Variants in SLC1A2 observed in about 807,000 individuals in gnomAD.
SLC1A2 encodes solute carrier family 1 member 2, also known as excitatory amino acid transporter 2.
SLC1A2 carries 15 observed loss-of-function variants against 48.8 expected under a neutral mutation model. That is an observed-to-expected ratio of 0.31 (90% CI 0.21 to 0.47). The LOEUF (loss-of-function observed/expected upper bound fraction) is 0.47, where lower values mean the gene tolerates loss of function less well. Ranked by LOEUF, SLC1A2 falls within the 20% of genes least tolerant of loss-of-function variation. The probability of loss-of-function intolerance (pLI) is 0.99; values close to 1 mark genes in which losing one functional copy is unlikely to be tolerated. For synonymous variants in SLC1A2, 279 were observed against 272.6 expected (o/e 1.02, Z -0.23); for missense variants, 502 against 730.5 (o/e 0.69, Z 3.61).
intron 9 of SLC1A2, among the ~76,000 whole-genome samples, chr11:35,266,755 A>T (rs1950491615): frequency 3.3e-5 from 5 of 152,258 alleles, no homozygotes; most frequent in African/African-American, 1.2e-4. Context: ...CTGCTGAGAC[A>T]GTCTTAGTCC....
intron 6 of SLC1A2, among the ~76,000 whole-genome samples, chr11:35,294,450 C>T (rs73439121): frequency 0.049 from 7,393 of 152,126 alleles, 604 homozygotes; most frequent in African/African-American, 0.17. Flanking sequence ...GCTGGTGTGT[C>T]CATAGTCACA....
chr11:35,287,430 C>T (rs187645075), intron 7 of SLC1A2, among the ~76,000 whole-genome samples: 1 of 152,274 alleles, frequency 6.6e-6, no homozygotes, highest in East Asian at 1.9e-4. Flanking sequence ...GCATTTAGCC[C>T]TGGGAAATTG....
intron 6 of SLC1A2, among the ~76,000 whole-genome samples, chr11:35,296,563 G>T (rs999756196): frequency 1.3e-5 from 2 of 152,140 alleles, no homozygotes; most frequent in African/African-American, 4.8e-5. Flanking sequence ...AACCCATCAA[G>T]GTGGCCTGCA....
At chr11:35,409,476 T>G (rs1855394609) in intron 1 of SLC1A2, among the ~76,000 whole-genome samples, 1 of 152,206 alleles carries the variant, frequency 6.6e-6, no homozygotes, top group South Asian at 2.1e-4. Context: ...GAAATTAGAT[T>G]AATGTAACTA....
intron 1 of SLC1A2, among the ~76,000 whole-genome samples, chr11:35,377,500 C>A (rs967118922): frequency 2.0e-5 from 3 of 152,196 alleles, no homozygotes; most frequent in African/African-American, 4.8e-5. Flanking sequence ...ACTCTATTTT[C>A]GTGAGATAAC....
intron 1 of SLC1A2, among the ~76,000 whole-genome samples, chr11:35,388,075 A>G (rs867151531): frequency 1.3e-5 from 2 of 152,244 alleles, no homozygotes; most frequent in Non-Finnish European, 2.9e-5. Flanking sequence ...GGCAGAATTT[A>G]TACCCAAGTC....
At chr11:35,399,541 T>G in intron 1 of SLC1A2, 199 of 908,498 alleles carry the variant, frequency 2.2e-4, no homozygotes, top group Non-Finnish European at 2.4e-4. Context: ...TGGTGGGTCT[T>G]GAGACAAGAT....
chr11:35,327,440 A>G (rs2134966575), intron 1 of SLC1A2, among the ~76,000 whole-genome samples: 1 of 152,300 alleles, frequency 6.6e-6, no homozygotes, highest in Non-Finnish European at 1.5e-5. Flanking sequence ...ATGAGGCAAA[A>G]CAGCGGGGCC....
intron 1 of SLC1A2, among the ~76,000 whole-genome samples, chr11:35,347,457 G>T (rs942347230): frequency 6.6e-6 from 1 of 152,218 alleles, no homozygotes; most frequent in African/African-American, 2.4e-5. Flanking sequence ...CCAAATCACT[G>T]ATAGTGGCTG....
chr11:35,328,344 A>C (rs763151308), intron 1 of SLC1A2, among the ~76,000 whole-genome samples: 5 of 152,220 alleles, frequency 3.3e-5, no homozygotes, highest in Non-Finnish European at 5.9e-5. Flanking sequence ...AATAAGAATA[A>C]TGATGGTGAC....
Position 35,255,927 on chromosome 11 carries a change from A to C in SLC1A2, c.*4967T>G, listed in dbSNP as rs764608091. 1.3e-5 allele frequency: 2 copies of C among 152,246 alleles called. No homozygotes were observed. Among genetic ancestry groups the C allele is most frequent in the African/African-American group, 2.4e-5 (1 of 41,462 alleles). The allele number at this position is 152,246 out of a possible 1,614,324, so 9.4% of individuals were successfully genotyped here. On this transcript the variant is annotated 3_prime_UTR_variant, in exon 11 of 11. Coordinates refer to ENST00000278379, the MANE Select transcript of SLC1A2 (RefSeq NM_004171.4). Reference sequence around the variant, plus strand: ...TAATTTCTCCCAAAGGAGATGAGAAAAATCTAAATTGATTATTCATTATTG... The same window carrying C: ...TAATTTCTCCCAAAGGAGATGAGAACAATCTAAATTGATTATTCATTATTG...
intron 1 of SLC1A2, among the ~76,000 whole-genome samples, chr11:35,415,535 C>T (rs1479228615): frequency 6.6e-6 from 1 of 152,254 alleles, no homozygotes; most frequent in Non-Finnish European, 1.5e-5. Flanking sequence ...ACATCCTTCA[C>T]TCACTTTCCA....
intron 1 of SLC1A2, among the ~76,000 whole-genome samples, chr11:35,366,322 A>G (rs1336033761): frequency 1.3e-5 from 2 of 152,116 alleles, no homozygotes; most frequent in Non-Finnish European, 2.9e-5. Flanking sequence ...ACTCCAGCCA[A>G]CTTGTAACTG....
intron 1 of SLC1A2, among the ~76,000 whole-genome samples, chr11:35,366,309 T>C (rs1159453371): frequency 6.6e-6 from 1 of 152,188 alleles, no homozygotes; most frequent in South Asian, 2.1e-4. Context: ...GTCCCTCTAA[T>C]GCACTCCAGC....
At chr11:35,325,964 CAAA>C (rs35256511) in intron 1 of SLC1A2, among the ~76,000 whole-genome samples, 2 of 96,286 alleles carry the variant, frequency 2.1e-5, no homozygotes, top group Non-Finnish European at 4.1e-5. Context: ...AATTCTATCT[CAAA>C]AAAAAAAAAA....
chr11:35,341,107 C>A (rs1348616279), intron 1 of SLC1A2, among the ~76,000 whole-genome samples: 2 of 152,150 alleles, frequency 1.3e-5, no homozygotes, highest in Non-Finnish European at 2.9e-5. Flanking sequence ...TATCAATATG[C>A]CAAACTATCT....
chr11:35,281,059 C>A, intron 8 of SLC1A2, 58 bp from the exon 9 acceptor site: 1 of 1,476,016 alleles, frequency 6.8e-7, no homozygotes, highest in South Asian at 1.4e-5. Flanking sequence ...CAAAACCAAC[C>A]CTGGCAATTT....
chr11:35,306,785 T>C (rs560441933), intron 4 of SLC1A2, among the ~76,000 whole-genome samples: 1 of 152,320 alleles, frequency 6.6e-6, no homozygotes, highest in South Asian at 2.1e-4. Context: ...AGAAATGCAA[T>C]ATCTGTCTTT....
chr11:35,320,665 G>C (rs1196262983), intron 1 of SLC1A2, among the ~76,000 whole-genome samples: 2 of 152,218 alleles, frequency 1.3e-5, no homozygotes, highest in Non-Finnish European at 2.9e-5. Flanking sequence ...AGCTCTAAAA[G>C]GGCCCCTTGC....
Sources: gnomAD v4.1 joint callset for allele counts (sites outside exome capture counted in the v4.1 genomes callset) on GRCh38, gnomAD v4.1.1 for gene constraint, MANE v1.5 for transcripts, NCBI Gene and HGNC (gene_info 2026-07-23, HGNC 2026-07-21) for gene names.